Variants in OPN5 observed in about 807,000 individuals in gnomAD.
OPN5 encodes the protein opsin-5.
OPN5 carries 18 observed loss-of-function variants against 41.7 expected under a neutral mutation model. That is an observed-to-expected ratio of 0.43 (90% CI 0.30 to 0.64). OPN5 has a LOEUF of 0.64. OPN5 is among the 30% of genes least tolerant of loss of function. OPN5 has a pLI of 0.13. For missense variants in OPN5, 318 were observed against 434.5 expected (o/e 0.73, Z 2.38); for synonymous variants, 178 against 164.3 (o/e 1.08, Z -0.64).
rs185646810 is a variant in OPN5, at chr6:47,801,646, A to T, written c.756+6083A>T. Among the ~76,000 whole-genome samples, 58 of 152,278 alleles carry T rather than the reference A, an allele frequency of 3.8e-4. 3 individuals carry two copies. The East Asian group carries it at 0.01, about 27-fold the overall frequency. Reference sequence around the variant, plus strand: ...AAGCATTTCCAAAAATTGAATTCAGATCCTCCTATTACAATGTTTCATTGC... The same window carrying T: ...AAGCATTTCCAAAAATTGAATTCAGTTCCTCCTATTACAATGTTTCATTGC... On this transcript the variant is annotated intron_variant, in intron 4 of 6. Coordinates refer to ENST00000371211, the Ensembl canonical transcript of OPN5.
At chr6:47,785,466 C>T (rs144983023) in intron 1 of OPN5, among the ~76,000 whole-genome samples, 278 of 152,242 alleles carry the variant, frequency 1.8e-3, no homozygotes, top group African/African-American at 6.3e-3. Context: ...TCTTTCTTTG[C>T]CCCCAAAATG....
exon 4 of OPN5, chr6:47,795,387 G>A: frequency 1.2e-6 from 2 of 1,614,124 alleles, no homozygotes; most frequent in Non-Finnish European, 1.7e-6. Context: ...CCAGGCCTCG[G>A]TAGGGGGCCA....
chr6:47,811,561 A>G (rs1774204516), intron 5 of OPN5, 113 bp from the exon 6 acceptor site: 2 of 496,858 alleles, frequency 4.0e-6, no homozygotes, highest in East Asian at 3.4e-5. Flanking sequence ...AGATTTGTGC[A>G]CATAATCCTC....
intron 6 of OPN5, among the ~76,000 whole-genome samples, chr6:47,813,068 AAACAACAACAACAACAAC>A (rs70999651): frequency 0.067 from 9,293 of 139,156 alleles, 408 homozygotes; most frequent in African/African-American, 0.12. Context: ...TCTATGATTA[AAACAACAACAACAACAAC>A]AACAACAACA....
intron 6 of OPN5, among the ~76,000 whole-genome samples, chr6:47,819,844 A>C (rs1337480931): frequency 6.6e-6 from 1 of 152,206 alleles, no homozygotes; most frequent in Non-Finnish European, 1.5e-5. Context: ...TACAGTGAGA[A>C]TATGATTAAA....
chr6:47,819,687 G>A (rs773392930), intron 6 of OPN5, among the ~76,000 whole-genome samples: 2 of 151,912 alleles, frequency 1.3e-5, no homozygotes, highest in Non-Finnish European at 2.9e-5. Context: ...TAGGGGAAGC[G>A]ATATTCCAGA....
At chr6:47,784,546 C>A (rs1185538416) in intron 1 of OPN5, among the ~76,000 whole-genome samples, 70 of 152,110 alleles carry the variant, frequency 4.6e-4, no homozygotes, top group Non-Finnish European at 5.9e-5. Flanking sequence ...GATTTGCCCA[C>A]CTCAGCCTCC....
rs774715127 is a variant in OPN5 at position 47,782,058 on chromosome 6, G to A, written c.-9G>A. On this transcript the variant is annotated 5_prime_UTR_variant, in exon 1 of 7. Coordinates refer to ENST00000371211, the Ensembl canonical transcript of OPN5. ...TTGCTTTTCAGATCCCTCGTGGTTC[G>A]AGAACAGAATGGCGTTAAATCACAC... 4.3e-6 allele frequency: 7 copies of A among 1,611,944 alleles called. No homozygotes were observed. The South Asian group carries it at 4.4e-5, about 10-fold the overall frequency.
chr6:47,802,252 C>T (rs1225299013), intron 4 of OPN5, among the ~76,000 whole-genome samples: 1 of 152,164 alleles, frequency 6.6e-6, no homozygotes, highest in Non-Finnish European at 1.5e-5. Context: ...ATGGCTACAG[C>T]AGCAGGAGTT....
At chr6:47,808,683 G>A (rs76814815) in intron 5 of OPN5, among the ~76,000 whole-genome samples, 1,751 of 152,212 alleles carry the variant, frequency 0.012, 30 homozygotes, top group African/African-American at 0.039. Flanking sequence ...TGCATGGCTC[G>A]TACATTGCAT....
chr6:47,783,338 GCT>G (rs1312709117), intron 1 of OPN5, among the ~76,000 whole-genome samples: 1 of 151,934 alleles, frequency 6.6e-6, no homozygotes, highest in East Asian at 1.9e-4. Context: ...GGTCAAACTT[GCT>G]CTCTCTCTCT....
intron 6 of OPN5, among the ~76,000 whole-genome samples, chr6:47,823,106 T>C (rs1012674077): frequency 1.3e-5 from 2 of 152,180 alleles, no homozygotes; most frequent in Non-Finnish European, 2.9e-5. Flanking sequence ...TGACTCTGGT[T>C]AGTTATGTGG....
chr6:47,796,754 T>A (rs762603254), intron 4 of OPN5, among the ~76,000 whole-genome samples: 4 of 152,204 alleles, frequency 2.6e-5, no homozygotes, highest in Non-Finnish European at 4.4e-5. Flanking sequence ...TCTGGTAATA[T>A]GCCTCTCTCC....
chr6:47,799,614 G>A (rs7760912), intron 4 of OPN5, among the ~76,000 whole-genome samples: 29,428 of 152,088 alleles, frequency 0.19, 3,068 homozygotes, highest in Middle Eastern at 0.28. Flanking sequence ...CCACCCTTCC[G>A]CTGCAACCCT....
intron 6 of OPN5, among the ~76,000 whole-genome samples, chr6:47,819,066 C>T (rs1185350026): frequency 6.6e-6 from 1 of 151,766 alleles, no homozygotes; most frequent in African/African-American, 2.4e-5. Context: ...TCTAGACAAA[C>T]CCTGCCAAAA....
At chr6:47,815,862 G>A (rs1285238828) in intron 6 of OPN5, among the ~76,000 whole-genome samples, 1 of 152,096 alleles carries the variant, frequency 6.6e-6, no homozygotes, top group South Asian at 2.1e-4. Flanking sequence ...TTATGGGACT[G>A]CATGGGATAT....
At chr6:47,800,261 C>T (rs1773717629) in intron 4 of OPN5, among the ~76,000 whole-genome samples, 1 of 152,102 alleles carries the variant, frequency 6.6e-6, no homozygotes, top group African/African-American at 2.4e-5. Flanking sequence ...TCAATTTCAT[C>T]CAAAGTTTGT....
intron 4 of OPN5, among the ~76,000 whole-genome samples, chr6:47,807,790 A>G (rs1337776197): frequency 6.6e-6 from 1 of 151,956 alleles, no homozygotes; most frequent in East Asian, 1.9e-4. Context: ...AGGTGAATAT[A>G]TTTTCCATCG....
intron 1 of OPN5, 25 bp downstream of exon 1, chr6:47,782,221 C>A (rs1022673426): frequency 3.7e-6 from 6 of 1,606,644 alleles, no homozygotes; most frequent in Non-Finnish European, 5.1e-6. Flanking sequence ...TTCTTCTGTG[C>A]AAAGGCTGCA....
Sources: allele counts gnomAD v4.1 joint callset (sites outside exome capture counted in the v4.1 genomes callset), GRCh38; gene constraint gnomAD v4.1.1; transcripts MANE v1.5; gene names NCBI Gene and HGNC (gene_info 2026-07-23, HGNC 2026-07-21).